Variants in NFIB observed in about 807,000 individuals in gnomAD.
NFIB encodes nuclear factor I B.
In NFIB, 11 loss-of-function variants were observed where a neutral mutation model predicts 61.5. The observed-to-expected ratio is 0.18, with a 90% CI of 0.11 to 0.30. NFIB has a LOEUF of 0.30. NFIB is among the 10% of genes least tolerant of loss of function. The pLI, the probability that NFIB is intolerant of heterozygous loss-of-function variation, is 1.00. For synonymous variants in NFIB, 260 were observed against 216.5 expected (o/e 1.20, Z -1.76); for missense variants, 471 against 608.9 (o/e 0.77, Z 2.38).
chr9:14,388,066 C>T (rs1285686837), intron 1 of NFIB, among the ~76,000 whole-genome samples: 1 of 152,156 alleles, frequency 6.6e-6, no homozygotes, highest in Non-Finnish European at 1.5e-5. Context: ...GTATTTTTAT[C>T]ATACCAAAAG....
At chr9:14,381,648 G>A (rs2061490663) in intron 1 of NFIB, among the ~76,000 whole-genome samples, 1 of 152,162 alleles carries the variant, frequency 6.6e-6, no homozygotes, top group Non-Finnish European at 1.5e-5. Context: ...TGCACTGTGT[G>A]GAAGAAGAAA....
intron 6 of NFIB, among the ~76,000 whole-genome samples, chr9:14,144,146 T>C (rs978261319): frequency 6.6e-6 from 1 of 151,990 alleles, no homozygotes; most frequent in African/African-American, 2.4e-5. Flanking sequence ...ACCAAGACAA[T>C]ACAATGTTTT....
At chr9:14,481,197 G>GTGTGTA in the NFIB span, among the ~76,000 whole-genome samples, 12 of 45,842 alleles carry the variant, frequency 2.6e-4, no homozygotes, top group East Asian at 8.5e-4. Flanking sequence ...GTGTGTGTGT[G>GTGTGTA]TATATATATA....
chr9:14,149,617 G>C (rs1425172719), intron 5 of NFIB, among the ~76,000 whole-genome samples: 6 of 152,154 alleles, frequency 3.9e-5, no homozygotes, highest in Non-Finnish European at 8.8e-5. Flanking sequence ...TCTCAGGGAA[G>C]GTAGTATTTT....
intron 1 of NFIB, among the ~76,000 whole-genome samples, chr9:14,372,649 G>C (rs1037098760): frequency 3.3e-5 from 5 of 152,100 alleles, no homozygotes; most frequent in Non-Finnish European, 1.5e-5. Context: ...GCTCTGGGCG[G>C]TTTTACTGTG....
chr9:14,262,216 G>C lies in NFIB; in HGVS notation c.562+44773C>G, dbSNP rs566324645. 2.6e-5 allele frequency among the ~76,000 whole-genome samples: 4 copies of C among 152,226 alleles called. No homozygotes were observed. The South Asian group carries it at 8.3e-4, about 32-fold the overall frequency. On this transcript the variant is annotated intron_variant, in intron 2 of 10. Coordinates refer to ENST00000380953, the MANE Select transcript of NFIB (RefSeq NM_001190737.2). Reference sequence around the variant, plus strand: ...GGATATTTCAAACCTGGCTTTGATTGTGAGGGTCAGTTTGGCATACAGGTG... The same window carrying C: ...GGATATTTCAAACCTGGCTTTGATTCTGAGGGTCAGTTTGGCATACAGGTG...
the NFIB span, among the ~76,000 whole-genome samples, chr9:14,463,903 G>A: frequency 2.6e-3 from 400 of 152,136 alleles, 17 homozygotes; most frequent in East Asian, 0.064. Context: ...CTCGTGGTCC[G>A]ACCGCCTCGG....
the NFIB span, among the ~76,000 whole-genome samples, chr9:14,412,925 G>A: frequency 0.016 from 2,389 of 152,228 alleles, 64 homozygotes; most frequent in African/African-American, 0.055. Flanking sequence ...ACACTAGGAA[G>A]GGCGCCTCCA....
chr9:14,266,188 T>C (rs765425295), intron 2 of NFIB, among the ~76,000 whole-genome samples: 2 of 152,178 alleles, frequency 1.3e-5, no homozygotes, highest in Non-Finnish European at 2.9e-5. Context: ...AAGTCTTCAA[T>C]AACACCCAAA....
intron 1 of NFIB, among the ~76,000 whole-genome samples, chr9:14,354,207 TTG>T (rs1186009547): frequency 6.6e-6 from 1 of 152,148 alleles, no homozygotes; most frequent in African/African-American, 2.4e-5. Context: ...AGTTCCCTAA[TTG>T]TGAGCAAAGA....
At chr9:14,271,206 C>T (rs1352027655) in intron 2 of NFIB, among the ~76,000 whole-genome samples, 3 of 145,892 alleles carry the variant, frequency 2.1e-5, no homozygotes, top group Non-Finnish European at 3.0e-5. Context: ...ACTTCTCCTC[C>T]CCCTTCTCCT....
intron 10 of NFIB, among the ~76,000 whole-genome samples, chr9:14,110,261 T>C (rs2037160040): frequency 6.6e-6 from 1 of 152,078 alleles, no homozygotes; most frequent in African/African-American, 2.4e-5. Flanking sequence ...CTATTAAAGT[T>C]CTTTTCTAAG....
the NFIB span, among the ~76,000 whole-genome samples, chr9:14,476,853 G>A: frequency 1.3e-5 from 2 of 152,134 alleles, no homozygotes; most frequent in South Asian, 2.1e-4. Flanking sequence ...TAGAAGAAAT[G>A]AAAATGTTTC....
chr9:14,404,251 C>T, the NFIB span, among the ~76,000 whole-genome samples: 4 of 152,154 alleles, frequency 2.6e-5, no homozygotes, highest in African/African-American at 9.7e-5. Flanking sequence ...CAAGAAGGAA[C>T]AGAAGCATAG....
chr9:14,263,577 G>A (rs1251927182), intron 2 of NFIB, among the ~76,000 whole-genome samples: 2 of 152,144 alleles, frequency 1.3e-5, no homozygotes, highest in Admixed American at 6.6e-5. Context: ...TATACATATG[G>A]AATTCTGCAC....
chr9:14,341,793 G>A (rs143403599), intron 1 of NFIB, among the ~76,000 whole-genome samples: 1 of 152,070 alleles, frequency 6.6e-6, no homozygotes, highest in Non-Finnish European at 1.5e-5. Flanking sequence ...TCTGCTTCTG[G>A]GGAAGACAAA....
At chr9:14,333,212 C>G (rs143577334) in intron 1 of NFIB, among the ~76,000 whole-genome samples, 3 of 152,160 alleles carry the variant, frequency 2.0e-5, no homozygotes, top group Non-Finnish European at 2.9e-5. Context: ...CTCATTTGAT[C>G]CTCCTAATAA....
At chr9:14,106,625 A>C (rs2036599184) in intron 10 of NFIB, among the ~76,000 whole-genome samples, 1 of 152,134 alleles carries the variant, frequency 6.6e-6, no homozygotes, top group African/African-American at 2.4e-5. Context: ...ATGGCTACAT[A>C]AAGGGGAAAC....
At chr9:14,522,931 T>C in the NFIB span, among the ~76,000 whole-genome samples, 1 of 152,178 alleles carries the variant, frequency 6.6e-6, no homozygotes. Flanking sequence ...TAACAGTGAC[T>C]GGAGTGTTTG....
Sources: allele counts gnomAD v4.1 joint callset (sites outside exome capture counted in the v4.1 genomes callset), GRCh38; gene constraint gnomAD v4.1.1; transcripts MANE v1.5; gene names NCBI Gene and HGNC (gene_info 2026-07-23, HGNC 2026-07-21).